The following USP47 variants were observed in gnomAD, a reference collection of about 807,000 sequenced individuals.
The protein encoded by USP47 is ubiquitin specific peptidase 47.
In USP47, 35 loss-of-function variants were observed where a neutral mutation model predicts 165.1. The observed-to-expected ratio is 0.21, with a 90% CI of 0.16 to 0.28. USP47 has a LOEUF of 0.28. Ranked by LOEUF, USP47 falls within the 10% of genes least tolerant of loss-of-function variation. The probability of loss-of-function intolerance (pLI) is 1.00; values close to 1 mark genes in which losing one functional copy is unlikely to be tolerated. For missense variants in USP47, 1,277 were observed against 1,607.4 expected, an observed-to-expected ratio of 0.79 and a Z score of 3.52; for synonymous variants, 531 against 544.5, an observed-to-expected ratio of 0.98 and a Z score of 0.35.
Position 11,842,059 on chromosome 11 carries a change from C to T in USP47, c.-127C>T. On this transcript the variant is annotated 5_prime_UTR_variant, in exon 1 of 28. Transcript: ENST00000527733. ...TGGTGTCTGAGGCCCAGGCTGAGGC[C>T]TCCGCTATTGCTGGAGCGCAGGCGG... 8.0e-7 allele frequency: 1 copy of T among 1,245,456 alleles called. No homozygotes were observed. Among genetic ancestry groups the T allele is most frequent in the East Asian group, 2.6e-5 (1 of 38,354 alleles). The allele number at this position is 1,245,456 out of a possible 1,614,324, so 77.2% of individuals were successfully genotyped here. A position where few individuals can be genotyped will look rare whatever the true frequency, so the allele number is the denominator to read the frequency against.
At position 11,936,498 on chromosome 11, in the gene USP47, T is replaced by C; in HGVS notation, c.2065T>C (p.Tyr689His). 1 of 1,586,078 alleles carries C rather than the reference T, an allele frequency of 6.3e-7. No individual in the cohort carries two copies. Among genetic ancestry groups the C allele is most frequent in the East Asian group, 2.2e-5 (1 of 44,568 alleles). Residue 689 changes from tyrosine to histidine, a missense_variant, in exon 17 of 28, where the codon TAT (tyrosine) becomes CAT (histidine). Transcript: ENST00000527733. ...TRKPDQVFQS[Y>H]KPGEVMVKVH... ...AAAGCCTGATCAGGTTTTCCAATCTTATAAACCTGGAGGTGAGCAATTTTA... is the reference window on the plus strand; with the variant it reads ...AAAGCCTGATCAGGTTTTCCAATCTCATAAACCTGGAGGTGAGCAATTTTA...
intron 8 of USP47, among the ~76,000 whole-genome samples, chr11:11,905,897 T>A (rs531358506): frequency 3.3e-5 from 5 of 152,150 alleles, no homozygotes; most frequent in African/African-American, 1.2e-4. Flanking sequence ...CACTGGAAAG[T>A]ACTTTGTTTT....
chr11:11,954,819 T>C, intron 25 of USP47, 78 bp from the exon 26 acceptor site: 2 of 1,505,336 alleles, frequency 1.3e-6, no homozygotes, highest in Non-Finnish European at 1.8e-6. Flanking sequence ...TATTTCTGTT[T>C]GTGGGGTAAA....
intron 9 of USP47, 26 bp from the exon 10 acceptor site, chr11:11,920,316 C>T: frequency 6.2e-7 from 1 of 1,606,608 alleles, no homozygotes; most frequent in South Asian, 1.1e-5. Context: ...AATAGACTCT[C>T]CCCCTTTTTG....
At chr11:11,919,645 A>G (rs936492241) in intron 8 of USP47, among the ~76,000 whole-genome samples, 3 of 151,932 alleles carry the variant, frequency 2.0e-5, no homozygotes, top group Admixed American at 6.6e-5. Flanking sequence ...TTCAATCTTT[A>G]TAACTAGTGC....
intron 1 of USP47, among the ~76,000 whole-genome samples, chr11:11,854,195 T>A (rs1189037519): frequency 6.8e-6 from 1 of 146,636 alleles, no homozygotes; most frequent in Admixed American, 6.8e-5. Flanking sequence ...ATTCTCCTCT[T>A]TCAACCTGAT....
Position 11,871,579 on chromosome 11 carries a change from C to G in USP47, c.40-8598C>G, listed in dbSNP as rs530072530. On this transcript the variant is annotated intron_variant, in intron 1 of 27. Transcript: ENST00000527733. ...GGAACCTAAGTGAGCTCCAGGGATT[C>G]TTTTCCTGTGGTTCTTTCCCTTGCC... Among the ~76,000 whole-genome samples, 30 of 138,496 alleles carry G rather than the reference C, an allele frequency of 2.2e-4. No homozygotes were observed. In the South Asian group the frequency reaches 7.6e-3, roughly 35 times the overall value. 90.9% of individuals were successfully genotyped at this position (138,496 alleles called of 152,430 possible).
chr11:11,954,792 C>G, intron 25 of USP47, 105 bp from the exon 26 acceptor site: 1 of 1,301,652 alleles, frequency 7.7e-7, no homozygotes, highest in Non-Finnish European at 1.0e-6. Context: ...TTACATGAAA[C>G]ATTTTTTAAA....
intron 16 of USP47, among the ~76,000 whole-genome samples, chr11:11,935,544 T>TGG (rs1286049997): frequency 6.6e-6 from 1 of 151,524 alleles, no homozygotes; most frequent in East Asian, 1.9e-4. Context: ...TTGTTGGGGA[T>TGG]GGGGGTTGGG....
intron 20 of USP47, among the ~76,000 whole-genome samples, chr11:11,945,717 T>G (rs1289284043): frequency 6.6e-6 from 1 of 151,904 alleles, no homozygotes; most frequent in Non-Finnish European, 1.5e-5. Flanking sequence ...GGGGAACTGC[T>G]TGAACCCAGG....
At chr11:11,875,032 A>ATT (rs1850302688) in intron 1 of USP47, among the ~76,000 whole-genome samples, 1 of 103,340 alleles carries the variant, frequency 9.7e-6, no homozygotes, top group Non-Finnish European at 2.0e-5. Context: ...AAATTGACTT[A>ATT]TTGTGTGTGT....
At chr11:11,866,805 T>G (rs1163553198) in intron 1 of USP47, among the ~76,000 whole-genome samples, 1 of 152,196 alleles carries the variant, frequency 6.6e-6, no homozygotes, top group Non-Finnish European at 1.5e-5. Context: ...TGGCCCACAC[T>G]TTTTCCTATT....
chr11:11,861,847 T>C (rs976500906), intron 1 of USP47, among the ~76,000 whole-genome samples: 2 of 152,178 alleles, frequency 1.3e-5, no homozygotes, highest in African/African-American at 2.4e-5. Flanking sequence ...AAATGTGATA[T>C]AGTGACATGT....
chr11:11,862,739 T>C (rs545782294), intron 1 of USP47, among the ~76,000 whole-genome samples: 42 of 152,150 alleles, frequency 2.8e-4, no homozygotes, highest in Non-Finnish European at 5.3e-4. Flanking sequence ...TTTTCTTTAT[T>C]AGAGATAGGG....
intron 8 of USP47, 134 bp from the exon 9 acceptor site, chr11:11,920,022 C>T: frequency 1.1e-5 from 6 of 550,462 alleles, no homozygotes; most frequent in South Asian, 5.9e-5. Context: ...GATAATTTTC[C>T]TTGGTACATT....
At chr11:11,940,394 A>C (rs752297166) in intron 18 of USP47, 35 bp from the exon 19 acceptor site, 1 of 1,553,312 alleles carries the variant, frequency 6.4e-7, no homozygotes, top group Non-Finnish European at 8.7e-7. Flanking sequence ...ATTATTTTTG[A>C]AAGAGTACTT....
intron 5 of USP47, among the ~76,000 whole-genome samples, chr11:11,898,911 T>C (rs1171572970): frequency 6.6e-6 from 1 of 152,202 alleles, no homozygotes; most frequent in Non-Finnish European, 1.5e-5. Flanking sequence ...CCGAGCACTT[T>C]ATATATAGAC....
chr11:11,918,020 T>G lies in USP47; in HGVS notation c.970-2136T>G, dbSNP rs1220266081. ...TCCAAGTATCTCCTTACAGATTGCT[T>G]ATTAGCCGCGAGAGTAAAAATAATA... On this transcript the variant is annotated intron_variant, in intron 8 of 27. Transcript: ENST00000527733. Among the ~76,000 whole-genome samples the G allele has an allele frequency of 3.3e-5, 5 of 152,136 alleles. No homozygotes were observed. In the East Asian group the frequency reaches 9.6e-4, roughly 29 times the overall value.
At chr11:11,950,129 A>C (rs1856120244) in intron 23 of USP47, 125 bp downstream of exon 23, 3 of 772,092 alleles carry the variant, frequency 3.9e-6, no homozygotes. Context: ...TTTTAGTATG[A>C]CAGATTAGTT....
Sources: allele counts gnomAD v4.1 joint callset (sites outside exome capture counted in the v4.1 genomes callset), GRCh38; gene constraint gnomAD v4.1.1; transcripts MANE v1.5; gene names NCBI Gene and HGNC (gene_info 2026-07-23, HGNC 2026-07-21).